The following CWC27 variants were observed in gnomAD, a reference collection of about 807,000 sequenced individuals.
CWC27 encodes spliceosome-associated protein CWC27 homolog.
In CWC27, 47 loss-of-function variants were observed where a neutral mutation model predicts 63.6. That is an observed-to-expected ratio of 0.74 (90% CI 0.58 to 0.94). The LOEUF (loss-of-function observed/expected upper bound fraction) is 0.94, where lower values mean the gene tolerates loss of function less well. Among genes scored for constraint, CWC27 ranks in the 40% least tolerant of loss-of-function variants. The pLI, the probability that CWC27 is intolerant of heterozygous loss-of-function variation, is 0.00. For synonymous variants in CWC27, 175 were observed against 179.8 expected, an observed-to-expected ratio of 0.97 and a Z score of 0.22; for missense variants, 495 against 554.3, an observed-to-expected ratio of 0.89 and a Z score of 1.07.
chr5:64,858,236 G>A lies in CWC27; in HGVS notation c.939-27207G>A, dbSNP rs899443782. Among the ~76,000 whole-genome samples the A allele has an allele frequency of 2.0e-5, 3 of 148,772 alleles. No individual in the cohort carries two copies. In the Admixed American group the frequency reaches 2.0e-4, roughly 10 times the overall value. The stretch of plus-strand genomic sequence containing the variant: ...GCACTTTGTGGGGCCGAGGCGGGCG[G>A]ATCACGAGGTCAGGAGATCGAGACC... On this transcript the variant is annotated intron_variant, in intron 10 of 13. Coordinates refer to ENST00000381070, the MANE Select transcript of CWC27 (RefSeq NM_005869.4).
chr5:64,849,005 A>C (rs1434730350), intron 10 of CWC27, among the ~76,000 whole-genome samples: 1 of 152,210 alleles, frequency 6.6e-6, no homozygotes, highest in African/African-American at 2.4e-5. Context: ...GCCAAGAGAA[A>C]GAAATAAAAG....
At chr5:64,873,456 C>G (rs887983639) in intron 10 of CWC27, among the ~76,000 whole-genome samples, 1 of 152,010 alleles carries the variant, frequency 6.6e-6, no homozygotes, top group Non-Finnish European at 1.5e-5. Context: ...AGACCCTTCT[C>G]TCTTAAATTA....
chr5:64,774,873 G>A (rs1357068923), intron 2 of CWC27, 86 bp downstream of exon 2: 40 of 750,270 alleles, frequency 5.3e-5, no homozygotes, highest in Non-Finnish European at 7.7e-5. Context: ...GAAGACTAGT[G>A]TTAAATAGTG....
chr5:64,885,894 A>G (rs2112344380), intron 11 of CWC27, among the ~76,000 whole-genome samples: 1 of 152,242 alleles, frequency 6.6e-6, no homozygotes, highest in Middle Eastern at 3.4e-3. Context: ...CAAAACTTAA[A>G]GGTTGCCATA....
intron 10 of CWC27, among the ~76,000 whole-genome samples, chr5:64,846,852 A>T (rs573487957): frequency 9.9e-5 from 15 of 150,942 alleles, no homozygotes; most frequent in African/African-American, 3.6e-4. Context: ...AAATTAGCTG[A>T]GCGTGGTGGC....
At chr5:64,989,284 A>G (rs1163087371) in intron 13 of CWC27, among the ~76,000 whole-genome samples, 2 of 152,226 alleles carry the variant, frequency 1.3e-5, no homozygotes, top group South Asian at 2.1e-4. Context: ...AGATTTCTGT[A>G]TAACTAGTGA....
At chr5:64,957,487 C>T (rs1487515824) in intron 11 of CWC27, among the ~76,000 whole-genome samples, 14 of 152,088 alleles carry the variant, frequency 9.2e-5, no homozygotes, top group East Asian at 1.9e-4. Context: ...CAGAGGTTTG[C>T]GTGAGGGAGA....
At chr5:64,936,084 C>G (rs562720982) in intron 11 of CWC27, among the ~76,000 whole-genome samples, 6 of 152,002 alleles carry the variant, frequency 3.9e-5, no homozygotes, top group Admixed American at 1.3e-4. Flanking sequence ...ATTTGAATAC[C>G]CTTTATTTAT....
chr5:64,976,133 T>G (rs1192418521), intron 12 of CWC27, among the ~76,000 whole-genome samples: 2 of 152,216 alleles, frequency 1.3e-5, no homozygotes, highest in African/African-American at 2.4e-5. Flanking sequence ...TTTTACTAAA[T>G]TTATCTAGTT....
intron 11 of CWC27, among the ~76,000 whole-genome samples, chr5:64,918,925 A>C (rs552089862): frequency 1.3e-5 from 2 of 152,344 alleles, no homozygotes; most frequent in African/African-American, 4.8e-5. Context: ...TCCGGAGTTT[A>C]TAAAACCCTT....
chr5:64,826,076 A>AATCTATCTGTCTGTCTATCT (rs1554070972), intron 10 of CWC27, among the ~76,000 whole-genome samples: 3 of 148,316 alleles, frequency 2.0e-5, no homozygotes, highest in Non-Finnish European at 3.0e-5. Context: ...CTTTGTAATA[A>AATCTATCTGTCTGTCTATCT]ATCTATCTAT....
chr5:64,769,021 T>A lies in CWC27; in HGVS notation c.-126T>A. On this transcript the variant is annotated 5_prime_UTR_variant, in exon 1 of 14. It adds an upstream start codon to the 5' untranslated region. Coordinates refer to ENST00000381070, the MANE Select transcript of CWC27 (RefSeq NM_005869.4). The stretch of plus-strand genomic sequence containing the variant: ...TTTGGTGTCCCTGTCTTGCGTGATA[T>A]TGACAAACTGAAGCTTTCCTGCACC... The A allele has an allele frequency of 1.3e-6, 1 of 780,328 alleles. No individual in the cohort carries two copies. The allele number at this position is 780,328 out of a possible 1,614,324, so 48.3% of individuals were successfully genotyped here.
intron 10 of CWC27, among the ~76,000 whole-genome samples, chr5:64,852,436 CCAAA>C (rs1205859798): frequency 1.3e-5 from 2 of 152,066 alleles, no homozygotes; most frequent in Non-Finnish European, 2.9e-5. Flanking sequence ...GACAAAAGAG[CCAAA>C]CAGTGTTTTC....
chr5:64,832,783 C>A (rs1292340741), intron 10 of CWC27, among the ~76,000 whole-genome samples: 1 of 151,714 alleles, frequency 6.6e-6, no homozygotes, highest in Non-Finnish European at 1.5e-5. Context: ...AGCAGTTGTA[C>A]CCTCAGTACA....
chr5:64,866,289 G>A (rs1746529558), intron 10 of CWC27, among the ~76,000 whole-genome samples: 1 of 152,006 alleles, frequency 6.6e-6, no homozygotes, highest in Non-Finnish European at 1.5e-5. Context: ...ACTCCCAGAA[G>A]TACAGTTCCC....
chr5:64,947,412 T>C (rs548072772), intron 11 of CWC27, among the ~76,000 whole-genome samples: 1 of 152,278 alleles, frequency 6.6e-6, no homozygotes, highest in South Asian at 2.1e-4. Context: ...TGCCCATGCA[T>C]ATATCAGCAT....
chr5:64,986,231 T>C (rs1193855384), intron 13 of CWC27, among the ~76,000 whole-genome samples: 1 of 152,230 alleles, frequency 6.6e-6, no homozygotes, highest in East Asian at 1.9e-4. Context: ...AACACTGGAT[T>C]GTAAGGATAC....
At chr5:64,970,692 ACT>A (rs1398727359) in intron 11 of CWC27, among the ~76,000 whole-genome samples, 1 of 151,778 alleles carries the variant, frequency 6.6e-6, no homozygotes, top group Non-Finnish European at 1.5e-5. Context: ...TGAAACCAGG[ACT>A]CTCCTTCCAA....
chr5:64,946,620 A>T (rs1480910587), intron 11 of CWC27, among the ~76,000 whole-genome samples: 2 of 152,156 alleles, frequency 1.3e-5, no homozygotes, highest in Non-Finnish European at 2.9e-5. Context: ...TGAGTTATTC[A>T]TCTGGGCCTT....
Sources: allele counts gnomAD v4.1 joint callset (sites outside exome capture counted in the v4.1 genomes callset), GRCh38; gene constraint gnomAD v4.1.1; transcripts MANE v1.5; gene names NCBI Gene and HGNC (gene_info 2026-07-23, HGNC 2026-07-21).